Variants in SFMBT2 observed in about 807,000 individuals in gnomAD.
SFMBT2 encodes the protein Scm like with four mbt domains 2.
In SFMBT2, 38 loss-of-function variants were observed where a neutral mutation model predicts 110.1. The ratio of observed to expected loss-of-function variants is 0.35; its 90% CI spans 0.27 to 0.45. SFMBT2 has a LOEUF of 0.45. SFMBT2 is among the 20% of genes least tolerant of loss of function. The pLI is 1.00. For missense variants in SFMBT2, 1,011 were observed against 1,094.9 expected, an observed-to-expected ratio of 0.92 and a Z score of 1.08; for synonymous variants, 425 against 425.4, an observed-to-expected ratio of 1.00 and a Z score of 0.01.
intron 4 of SFMBT2, among the ~76,000 whole-genome samples, chr10:7,291,810 G>C (rs996103070): frequency 1.1e-4 from 16 of 152,152 alleles, no homozygotes; most frequent in African/African-American, 3.9e-4. Context: ...TAAATATATG[G>C]TTTCTAGTCC....
At chr10:7,409,700 CG>C (rs1846319897) in intron 1 of SFMBT2, among the ~76,000 whole-genome samples, 1 of 151,966 alleles carries the variant, frequency 6.6e-6, no homozygotes, top group Non-Finnish European at 1.5e-5. Flanking sequence ...TTCGCTAAAG[CG>C]CTTCCTGGGG....
At chr10:7,275,581 C>T (rs1034643759) in intron 7 of SFMBT2, among the ~76,000 whole-genome samples, 16 of 152,126 alleles carry the variant, frequency 1.1e-4, no homozygotes, top group African/African-American at 3.6e-4. Context: ...CCACAACTGT[C>T]GGCTTCACTG....
chr10:7,319,654 G>C (rs1354871104), intron 4 of SFMBT2, among the ~76,000 whole-genome samples: 1 of 138,756 alleles, frequency 7.2e-6, no homozygotes, highest in African/African-American at 2.6e-5. Flanking sequence ...GAGAGAGACA[G>C]AGAGAGAGAG....
intron 7 of SFMBT2, among the ~76,000 whole-genome samples, chr10:7,272,749 C>T (rs1053995357): frequency 4.6e-5 from 7 of 152,198 alleles, no homozygotes; most frequent in African/African-American, 1.7e-4. Flanking sequence ...AAGCAGCCCA[C>T]AAGCCACACT....
At chr10:7,188,480 C>T (rs1449267010) in intron 16 of SFMBT2, 144 bp downstream of exon 16, 3 of 588,726 alleles carry the variant, frequency 5.1e-6, no homozygotes, top group Admixed American at 3.4e-5. Context: ...AAGAAATTTA[C>T]GTGTCGCCCA....
intron 12 of SFMBT2, chr10:7,205,108 C>G (rs980096675): frequency 3.9e-6 from 1 of 258,018 alleles, no homozygotes; most frequent in Admixed American, 6.5e-5. Flanking sequence ...AGAGTCTCAC[C>G]CTGTCACCCA....
intron 1 of SFMBT2, among the ~76,000 whole-genome samples, chr10:7,403,117 A>G (rs1462901192): frequency 6.6e-6 from 1 of 152,214 alleles, no homozygotes; most frequent in Non-Finnish European, 1.5e-5. Context: ...GCACTTATAC[A>G]TTTAAAAACA....
chr10:7,251,241 T>C (rs1840798180), intron 7 of SFMBT2, among the ~76,000 whole-genome samples: 1 of 150,774 alleles, frequency 6.6e-6, no homozygotes, highest in African/African-American at 2.4e-5. Context: ...TTTGGGAGGC[T>C]GAGGCAGGCA....
intron 6 of SFMBT2, among the ~76,000 whole-genome samples, chr10:7,278,591 T>C (rs1294865311): frequency 6.6e-6 from 1 of 151,130 alleles, no homozygotes; most frequent in East Asian, 1.9e-4. Context: ...AGATGGAGAG[T>C]TCAACCTGGG....
intron 4 of SFMBT2, among the ~76,000 whole-genome samples, chr10:7,321,578 G>A (rs1283027907): frequency 1.3e-5 from 2 of 152,148 alleles, no homozygotes; most frequent in Admixed American, 6.5e-5. Flanking sequence ...GCACAATGTA[G>A]GTACTCACCA....
At chr10:7,300,762 G>C (rs1459913428) in intron 4 of SFMBT2, among the ~76,000 whole-genome samples, 2 of 152,218 alleles carry the variant, frequency 1.3e-5, no homozygotes, top group African/African-American at 4.8e-5. Flanking sequence ...ATGCACAAAT[G>C]TATTTTTAAG....
rs542081094 is a variant in SFMBT2, at chr10:7,396,338, C to A, written c.-51-14389G>T. Among the ~76,000 whole-genome samples, 10 of 152,320 alleles carry A rather than the reference C, an allele frequency of 6.6e-5. No homozygotes were observed. The South Asian group carries it at 2.1e-3, about 32-fold the overall frequency. Reference sequence around the variant, plus strand: ...TCTGCCGGGTCATCCAGGGAGGAAACCCCAACGTTAGTGAATTTAAGACTT... The same window carrying A: ...TCTGCCGGGTCATCCAGGGAGGAAAACCCAACGTTAGTGAATTTAAGACTT... On this transcript the variant is annotated intron_variant, in intron 1 of 20. Coordinates refer to ENST00000397167, the MANE Select transcript of SFMBT2 (RefSeq NM_001387889.1).
intron 4 of SFMBT2, among the ~76,000 whole-genome samples, chr10:7,303,263 C>T (rs1225607730): frequency 1.3e-5 from 2 of 152,184 alleles, no homozygotes; most frequent in East Asian, 1.9e-4. Context: ...TGAAATGTAG[C>T]AGATATTAAC....
intron 11 of SFMBT2, 159 bp from the exon 12 acceptor site, chr10:7,206,087 T>C (rs1839127797): frequency 1.0e-6 from 1 of 985,268 alleles, no homozygotes; most frequent in Non-Finnish European, 1.2e-6. Context: ...AAGAGATGAC[T>C]TTAGAGGAGT....
Position 7,323,691 on chromosome 10 carries a change from T to C in SFMBT2, c.437-37737A>G, listed in dbSNP as rs572071013. On this transcript the variant is annotated intron_variant, in intron 4 of 20. Coordinates refer to ENST00000397167, the MANE Select transcript of SFMBT2 (RefSeq NM_001387889.1). ...CTGTACTTTTTCTTTAGGTTTGATA[T>C]GTCCAAAAATAAAGTTTGTTTCAAC... Among the ~76,000 whole-genome samples, 33 of 152,274 alleles carry C rather than the reference T, an allele frequency of 2.2e-4. No homozygotes were observed. In the East Asian group the frequency reaches 5.8e-3, roughly 27 times the overall value.
At chr10:7,225,294 T>C (rs1839866673) in intron 10 of SFMBT2, among the ~76,000 whole-genome samples, 1 of 152,228 alleles carries the variant, frequency 6.6e-6, no homozygotes, top group East Asian at 1.9e-4. Flanking sequence ...CATTTTACTG[T>C]GTCGATTCCT....
chr10:7,212,661 G>A (rs1481430860), intron 11 of SFMBT2, among the ~76,000 whole-genome samples: 2 of 152,170 alleles, frequency 1.3e-5, no homozygotes, highest in African/African-American at 4.8e-5. Context: ...TCCTATAAGA[G>A]ACTCTATCAC....
intron 2 of SFMBT2, among the ~76,000 whole-genome samples, chr10:7,376,851 T>C (rs1398639382): frequency 3.1e-5 from 1 of 32,308 alleles, no homozygotes; most frequent in East Asian, 1.1e-3. Flanking sequence ...GGGTGGACAG[T>C]GGCAAAAAAA....
intron 1 of SFMBT2, among the ~76,000 whole-genome samples, chr10:7,405,227 A>AGGTC (rs1238705530): frequency 6.6e-6 from 1 of 152,208 alleles, no homozygotes; most frequent in Non-Finnish European, 1.5e-5. Flanking sequence ...TGGACCCATG[A>AGGTC]GGTCCAAGCA....
Sources: allele counts gnomAD v4.1 joint callset (sites outside exome capture counted in the v4.1 genomes callset), GRCh38; gene constraint gnomAD v4.1.1; transcripts MANE v1.5; gene names NCBI Gene and HGNC (gene_info 2026-07-23, HGNC 2026-07-21).